Variants in GPHN observed in about 807,000 individuals in gnomAD.
GPHN encodes the protein gephyrin.
GPHN carries 17 observed loss-of-function variants against 95.5 expected under a neutral mutation model. That is an observed-to-expected ratio of 0.18 (90% CI 0.12 to 0.27). The LOEUF (loss-of-function observed/expected upper bound fraction) is 0.27. Ranked by LOEUF, GPHN falls within the 10% of genes least tolerant of loss-of-function variation. GPHN has a pLI of 1.00. For missense variants in GPHN, 660 were observed against 978.1 expected, an observed-to-expected ratio of 0.67 and a Z score of 4.34; for synonymous variants, 320 against 322.5, an observed-to-expected ratio of 0.99 and a Z score of 0.08.
intron 2 of GPHN, among the ~76,000 whole-genome samples, chr14:66,724,861 T>A (rs1441123386): frequency 6.6e-6 from 1 of 152,222 alleles, no homozygotes. Flanking sequence ...TTGAATACCC[T>A]GAACGTAGAG....
chr14:67,575,259 G>C, the GPHN span: 1 of 608,474 alleles, frequency 1.6e-6, no homozygotes, highest in African/African-American at 1.9e-5. Flanking sequence ...GGTTCCATTA[G>C]TAGGGAGCCC....
At chr14:67,464,592 G>A in the GPHN span, among the ~76,000 whole-genome samples, 1 of 152,114 alleles carries the variant, frequency 6.6e-6, no homozygotes, top group African/African-American at 2.4e-5. Context: ...TTTGCCTCTT[G>A]TACCAGCTGT....
At chr14:66,769,568 CAT>C (rs1396833220) in intron 2 of GPHN, among the ~76,000 whole-genome samples, 4 of 152,098 alleles carry the variant, frequency 2.6e-5, no homozygotes, top group Non-Finnish European at 5.9e-5. Flanking sequence ...TAAATTAGAA[CAT>C]GTGGTATTTG....
chr14:66,771,421 C>T (rs72728640), intron 2 of GPHN, among the ~76,000 whole-genome samples: 4,589 of 152,214 alleles, frequency 0.03, 109 homozygotes, highest in Non-Finnish European at 0.05. Flanking sequence ...ATTAACAAGA[C>T]ATTCTTGAAG....
At chr14:67,301,951 C>T in the GPHN span, 2 of 1,580,130 alleles carry the variant, frequency 1.3e-6, no homozygotes, top group Non-Finnish European at 1.7e-6. Flanking sequence ...ACTTAAAATG[C>T]CATGGATTTC....
At chr14:66,884,310 C>T (rs577190097) in intron 5 of GPHN, among the ~76,000 whole-genome samples, 20 of 152,162 alleles carry the variant, frequency 1.3e-4, no homozygotes, top group African/African-American at 4.8e-4. Context: ...CTATTATTTA[C>T]ATTAAACGTC....
the GPHN span, chr14:67,653,553 T>A: frequency 1.3e-6 from 2 of 1,487,660 alleles, no homozygotes; most frequent in Non-Finnish European, 1.9e-6. Flanking sequence ...CTCTGTACAA[T>A]TGAATATCCC....
chr14:67,587,198 C>T, the GPHN span: 1 of 1,613,930 alleles, frequency 6.2e-7, no homozygotes, highest in Non-Finnish European at 8.5e-7. Flanking sequence ...TTCTTTTCTT[C>T]TGTTTCCTGT....
the GPHN span, among the ~76,000 whole-genome samples, chr14:67,293,661 T>C: frequency 2.0e-5 from 3 of 152,200 alleles, no homozygotes; most frequent in African/African-American, 7.2e-5. Context: ...TATTCACACA[T>C]GTAGGCAATT....
chr14:67,457,667 G>A, the GPHN span, among the ~76,000 whole-genome samples: 5 of 152,300 alleles, frequency 3.3e-5, no homozygotes, highest in Admixed American at 6.5e-5. Flanking sequence ...GAAAGCAGCC[G>A]GTTGTCACGG....
intron 5 of GPHN, among the ~76,000 whole-genome samples, chr14:66,907,274 A>G (rs542057858): frequency 6.6e-6 from 1 of 152,318 alleles, no homozygotes; most frequent in East Asian, 1.9e-4. Flanking sequence ...TCAAGCAACC[A>G]AAAAAGACAT....
chr14:66,681,256 T>G, intron 2 of GPHN, 71 bp downstream of exon 2: 1 of 979,080 alleles, frequency 1.0e-6, no homozygotes, highest in Non-Finnish European at 1.6e-6. Flanking sequence ...CTCAAAAGAG[T>G]TTTATGTGAA....
the GPHN span, chr14:67,580,988 C>T: frequency 3.9e-5 from 63 of 1,613,464 alleles, no homozygotes; most frequent in Middle Eastern, 1.6e-4. Context: ...AGCTGCACCC[C>T]GGAAAGTCTG....
At chr14:67,382,867 C>G in the GPHN span, among the ~76,000 whole-genome samples, 1 of 151,812 alleles carries the variant, frequency 6.6e-6, no homozygotes, top group Non-Finnish European at 1.5e-5. Flanking sequence ...CCTGTCTTTT[C>G]CTTGTCCAAC....
At chr14:67,389,841 T>C in the GPHN span, among the ~76,000 whole-genome samples, 2 of 151,926 alleles carry the variant, frequency 1.3e-5, no homozygotes, top group East Asian at 1.9e-4. Context: ...GGATTTGAGG[T>C]AGCCAGAAAG....
chr14:66,848,837 A>G (rs1180451537), intron 4 of GPHN, among the ~76,000 whole-genome samples: 1 of 151,990 alleles, frequency 6.6e-6, no homozygotes, highest in Non-Finnish European at 1.5e-5. Flanking sequence ...AAAAACACCA[A>G]TAATCTGAAC....
the GPHN span, chr14:67,345,775 G>A: frequency 6.2e-7 from 1 of 1,611,740 alleles, no homozygotes; most frequent in South Asian, 1.1e-5. Context: ...TACCTGCAGA[G>A]AAGCTAGTTC....
chr14:66,561,317 T>C (rs183490903), intron 1 of GPHN, among the ~76,000 whole-genome samples: 1 of 152,330 alleles, frequency 6.6e-6, no homozygotes, highest in Admixed American at 6.5e-5. Flanking sequence ...GAAGGAATGG[T>C]ACCAGTTCCT....
intron 10 of GPHN, among the ~76,000 whole-genome samples, chr14:67,033,165 A>G (rs1040148616): frequency 3.9e-5 from 6 of 152,226 alleles, no homozygotes; most frequent in African/African-American, 1.4e-4. Flanking sequence ...TTCAACAATT[A>G]CTTGACCAAT....
Sources: allele counts gnomAD v4.1 joint callset (sites outside exome capture counted in the v4.1 genomes callset), GRCh38; gene constraint gnomAD v4.1.1; transcripts MANE v1.5; gene names NCBI Gene and HGNC (gene_info 2026-07-23, HGNC 2026-07-21).